The following TTC27 variants were observed in gnomAD, a reference collection of about 807,000 sequenced individuals.
TTC27 encodes the protein tetratricopeptide repeat protein 27.
A neutral mutation model predicts 115.9 loss-of-function variants in TTC27; 79 were observed. The observed-to-expected ratio is 0.68, with a 90% confidence interval of 0.57 to 0.82. The LOEUF (loss-of-function observed/expected upper bound fraction) is 0.82, where lower values mean the gene tolerates loss of function less well. TTC27 is among the 40% of genes least tolerant of loss of function. The probability of loss-of-function intolerance (pLI) is 0.00; values close to 1 mark genes in which losing one functional copy is unlikely to be tolerated. For synonymous variants in TTC27, 401 were observed against 356.0 expected (o/e 1.13, Z -1.42); for missense variants, 1,054 against 993.1 (o/e 1.06, Z -0.82).
At chr2:32,704,951 TTACTC>T (rs1188270491) in intron 10 of TTC27, 1 of 470,614 alleles carries the variant, frequency 2.1e-6, no homozygotes, top group Admixed American at 2.4e-5. Context: ...CCAAGTAAAG[TTACTC>T]TACTCTTTTC....
At chr2:32,673,915 C>A (rs1666102038) in intron 8 of TTC27, among the ~76,000 whole-genome samples, 1 of 151,962 alleles carries the variant, frequency 6.6e-6, no homozygotes, top group Non-Finnish European at 1.5e-5. Flanking sequence ...TCGCTTGAAC[C>A]GAGAGATTGC....
At chr2:32,718,620 A>G (rs1351796606) in intron 10 of TTC27, among the ~76,000 whole-genome samples, 1 of 152,114 alleles carries the variant, frequency 6.6e-6, no homozygotes, top group Non-Finnish European at 1.5e-5. Context: ...TTTTTCTTAA[A>G]TGGCTGATGA....
At chr2:32,745,418 G>A (rs989674433) in intron 12 of TTC27, among the ~76,000 whole-genome samples, 3 of 152,144 alleles carry the variant, frequency 2.0e-5, no homozygotes, top group Non-Finnish European at 4.4e-5. Context: ...AAGACTGAAG[G>A]GCTTGAGTCA....
At chr2:32,800,352 T>C (rs1192085023) in intron 16 of TTC27, among the ~76,000 whole-genome samples, 3 of 151,980 alleles carry the variant, frequency 2.0e-5, no homozygotes, top group African/African-American at 7.2e-5. Flanking sequence ...TGGCTAATTT[T>C]TTCTATTTTT....
chr2:32,748,731 A>G (rs1400029199), intron 12 of TTC27, among the ~76,000 whole-genome samples: 1 of 142,750 alleles, frequency 7.0e-6, no homozygotes, highest in South Asian at 2.2e-4. Context: ...CGTGTTGCCC[A>G]GGCTGGAGTG....
At chr2:32,652,797 G>T (rs1665179222) in intron 5 of TTC27, among the ~76,000 whole-genome samples, 2 of 152,090 alleles carry the variant, frequency 1.3e-5, no homozygotes, top group African/African-American at 4.8e-5. Flanking sequence ...CCAGAGAAGG[G>T]TATTATATTT....
At chr2:32,753,948 G>A (rs1323881098) in intron 12 of TTC27, among the ~76,000 whole-genome samples, 1 of 151,864 alleles carries the variant, frequency 6.6e-6, no homozygotes, top group Non-Finnish European at 1.5e-5. Flanking sequence ...GGTGGTACAT[G>A]CCTGTAATCC....
rs1666569743 is a variant in TTC27, at chr2:32,684,689, T to G, written c.1119+5767T>G. Among the ~76,000 whole-genome samples the G allele has an allele frequency of 3.3e-5, 5 of 152,306 alleles. No individual in the cohort carries two copies. The South Asian group carries it at 8.3e-4, about 25-fold the overall frequency. ...GATGAAAATGATTACCCATTTTTCT[T>G]CTAGGGAATTACTCATTTCTTAATT... On this transcript the variant is annotated intron_variant, in intron 9 of 19. Coordinates refer to ENST00000317907, the MANE Select transcript of TTC27 (RefSeq NM_017735.5).
chr2:32,746,212 T>G (rs535560132), intron 12 of TTC27, among the ~76,000 whole-genome samples: 92 of 152,226 alleles, frequency 6.0e-4, no homozygotes, highest in African/African-American at 2.2e-3. Flanking sequence ...GTTTGGGGAA[T>G]GTATTTTTAT....
intron 9 of TTC27, among the ~76,000 whole-genome samples, chr2:32,694,912 C>G (rs1333902873): frequency 1.3e-5 from 2 of 151,906 alleles, no homozygotes; most frequent in Non-Finnish European, 2.9e-5. Flanking sequence ...CTCCTGGGCT[C>G]AAGCAATCCT....
intron 15 of TTC27, 25 bp from the exon 16 acceptor site, chr2:32,786,959 C>G (rs572223368): frequency 1.3e-6 from 2 of 1,584,060 alleles, no homozygotes; most frequent in East Asian, 2.2e-5. Context: ...CATTATTGCT[C>G]TCTTTAAAAT....
intron 10 of TTC27, among the ~76,000 whole-genome samples, chr2:32,723,728 C>CTCCCTCCCTCCCTCCGTCCTTCCTTCCT (rs1454826952): frequency 3.4e-5 from 1 of 29,514 alleles, no homozygotes; most frequent in Non-Finnish European, 6.1e-5. Context: ...CCCTCCCTCC[C>CTCCCTCCCTCCCTCCGTCCTTCCTTCCT]TCCTTCCTTC....
At chr2:32,785,588 G>GAAA (rs1419796618) in intron 15 of TTC27, among the ~76,000 whole-genome samples, 12 of 151,830 alleles carry the variant, frequency 7.9e-5, no homozygotes, top group African/African-American at 2.9e-4. Flanking sequence ...AGCTATTGAG[G>GAAA]GTTTTGTTTT....
chr2:32,653,342 C>T (rs2151871732), intron 5 of TTC27, among the ~76,000 whole-genome samples: 1 of 152,162 alleles, frequency 6.6e-6, no homozygotes, highest in South Asian at 2.1e-4. Context: ...TGCCTGTAAT[C>T]CCAGCACTTT....
At position 32,796,774 on chromosome 2, in the gene TTC27, A is replaced by C. The variant is rs114879553; in HGVS notation, c.1998+9625A>C. ...TTACCACAAAACTGTAGTAGTCAAAACAGTGTGGAACTGGCATAAAGACAG... is the reference window on the plus strand; with the variant it reads ...TTACCACAAAACTGTAGTAGTCAAACCAGTGTGGAACTGGCATAAAGACAG... On this transcript the variant is annotated intron_variant, in intron 16 of 19. Coordinates refer to ENST00000317907, the MANE Select transcript of TTC27 (RefSeq NM_017735.5). 9.3e-3 allele frequency among the ~76,000 whole-genome samples: 1,424 copies of C among 152,328 alleles called. 12 individuals carry two copies. The highest frequency in any genetic ancestry group is 0.024 in the Middle Eastern group (7 of 294).
intron 10 of TTC27, among the ~76,000 whole-genome samples, chr2:32,725,795 G>T (rs1668089117): frequency 6.6e-6 from 1 of 152,224 alleles, no homozygotes; most frequent in Admixed American, 6.5e-5. Flanking sequence ...CCTAGCTGAG[G>T]TTCTTCATGA....
intron 13 of TTC27, among the ~76,000 whole-genome samples, 167 bp from the exon 14 acceptor site, chr2:32,777,715 C>A (rs1572604289): frequency 6.6e-6 from 1 of 152,292 alleles, no homozygotes; most frequent in East Asian, 1.9e-4. Context: ...AAATTTACCT[C>A]CATTGCTAAA....
In TTC27 at chr2:32,687,087, C is replaced by T. The variant is rs567376082; in HGVS notation, c.1119+8165C>T. ...TTCGAACTCCTGACCTCAGGTGATC[C>T]GCCTACCTCAGCCTCCCAAAGTCTG... On this transcript the variant is annotated intron_variant, in intron 9 of 19. Transcript: ENST00000317907. 1.1e-3 allele frequency among the ~76,000 whole-genome samples: 171 copies of T among 152,218 alleles called. 1 individual carries two copies. Among genetic ancestry groups the T allele is most frequent in the South Asian group, 6.4e-3 (31 of 4,818 alleles).
Position 32,678,913 on chromosome 2 carries a change from A to C in TTC27, c.1110A>C (p.Ala370=), listed in dbSNP as rs1340342366. ...VHTLTEVELL[A]FTSCLLSQPK... ...CATTAACTGAAGTGGAGCTTCTGGCATTTACATCAGTGAGTAATGTCTTTT... is the reference window on the plus strand; with the variant it reads ...CATTAACTGAAGTGGAGCTTCTGGCCTTTACATCAGTGAGTAATGTCTTTT... Residue 370 remains alanine (A), a synonymous_variant, in exon 9 of 20, where the codon GCA becomes GCC. Coordinates refer to ENST00000317907, the MANE Select transcript of TTC27 (RefSeq NM_017735.5). The C allele has an allele frequency of 6.2e-7, 1 of 1,612,992 alleles. No homozygotes were observed. Among genetic ancestry groups the C allele is most frequent in the Non-Finnish European group, 8.5e-7 (1 of 1,179,380 alleles).
Sources: gnomAD v4.1 joint callset for allele counts (sites outside exome capture counted in the v4.1 genomes callset) on GRCh38, gnomAD v4.1.1 for gene constraint, MANE v1.5 for transcripts, NCBI Gene and HGNC (gene_info 2026-07-23, HGNC 2026-07-21) for gene names.